VIRMA: variants seen among roughly 807,000 people sequenced by gnomAD.
The protein encoded by VIRMA is protein virilizer homolog.
A neutral mutation model predicts 182.4 loss-of-function variants in VIRMA; 65 were observed. That is an observed-to-expected ratio of 0.36 (90% CI 0.29 to 0.44). VIRMA has a LOEUF of 0.44. Ranked by LOEUF, VIRMA falls within the 20% of genes least tolerant of loss-of-function variation. VIRMA has a pLI of 1.00. For synonymous variants in VIRMA, 709 were observed against 743.1 expected (o/e 0.95, Z 0.75); for missense variants, 1,752 against 2,158.1 (o/e 0.81, Z 3.73).
chr8:94,531,963 T>C (rs1815188568), intron 5 of VIRMA, among the ~76,000 whole-genome samples: 1 of 152,188 alleles, frequency 6.6e-6, no homozygotes, highest in Non-Finnish European at 1.5e-5. Context: ...TGATGTAACG[T>C]GTAAAATAAT....
At chr8:94,500,636 G>T (rs918969385) in intron 16 of VIRMA, among the ~76,000 whole-genome samples, 1 of 149,148 alleles carries the variant, frequency 6.7e-6, no homozygotes, top group Admixed American at 6.8e-5. Flanking sequence ...CTCTACTTTG[G>T]AAAACAGTTC....
chr8:94,550,437 C>A (rs558133120), intron 1 of VIRMA, among the ~76,000 whole-genome samples: 4 of 152,138 alleles, frequency 2.6e-5, no homozygotes, highest in African/African-American at 9.6e-5. Context: ...GGACTACAGG[C>A]ACCTGCCACC....
intron 11 of VIRMA, among the ~76,000 whole-genome samples, chr8:94,513,116 T>C (rs922881095): frequency 6.6e-6 from 1 of 152,212 alleles, no homozygotes; most frequent in Non-Finnish European, 1.5e-5. Flanking sequence ...GGCGGGTGGA[T>C]CACCTGAGGT....
intron 8 of VIRMA, among the ~76,000 whole-genome samples, chr8:94,522,266 G>A (rs1586090776): frequency 6.6e-6 from 1 of 152,126 alleles, no homozygotes; most frequent in Non-Finnish European, 1.5e-5. Context: ...TCCTCAACAG[G>A]CAACACTTCA....
intron 16 of VIRMA, 138 bp from the exon 17 acceptor site, chr8:94,499,644 T>C (rs1380524860): frequency 1.9e-6 from 1 of 530,060 alleles, no homozygotes; most frequent in African/African-American, 1.9e-5. Flanking sequence ...CTTTGGTGTG[T>C]CTTTGTACAC....
At position 94,491,759 on chromosome 8, in the gene VIRMA, A is replaced by G. The variant is rs1358569536; in HGVS notation, c.4959T>C (p.His1653=). The stretch of plus-strand genomic sequence containing the variant: ...TTTCAGCAGCAACAAAGTCATCCAC[A>G]TGCATAGATGGTGGTCTACTTGTGT... The part of the protein sequence containing the change: ...KQNTSRPPSM[H]VDDFVAAESK... The change falls in exon 22 of 24, where the codon CAT becomes CAC. Residue 1653 remains histidine (H), a synonymous_variant. Transcript: ENST00000297591. 3.1e-6 allele frequency: 5 copies of G among 1,614,056 alleles called. No homozygotes were observed. The highest frequency in any genetic ancestry group is 1.3e-5 in the African/African-American group (1 of 74,998).
Position 94,519,061 on chromosome 8 carries a change from C to A in VIRMA, c.2437G>T (p.Gly813Cys). ...TTTTTCTCCAGACTAAAAACATGGC[C>A]AACAGCTGATCTTCCCACAGGATTA... ...TFNPVGRSAV[G>C]HVFSLEKNLQ... The change falls in exon 9 of 24, where the codon GGC becomes TGC. Residue 813 changes from glycine (G) to cysteine (C), a missense_variant. By Grantham distance (159) the Gly-to-Cys change is radical (BLOSUM62 -3). This residue lies in a region of VIRMA where 777 missense variants were observed against 920.6 expected (regional missense o/e 0.84). Coordinates refer to ENST00000297591, the MANE Select transcript of VIRMA (RefSeq NM_015496.5). 1.2e-6 allele frequency: 2 copies of A among 1,613,818 alleles called. No homozygotes were observed. Among genetic ancestry groups the A allele is most frequent in the South Asian group, 1.1e-5 (1 of 91,060 alleles).
chr8:94,517,787 C>A lies in VIRMA; in HGVS notation c.2668+1G>T, dbSNP rs1359032022. On this transcript the variant is annotated splice_donor_variant, in intron 10 of 23. Transcript: ENST00000297591. LOFTEE classifies it high-confidence loss of function. Reference sequence around the variant, plus strand: ...GCTTAAAATAACTTTAAGTACCATACCTTGCAATTTAGCATTATTTTCATC... The same window carrying A: ...GCTTAAAATAACTTTAAGTACCATAACTTGCAATTTAGCATTATTTTCATC... 6.3e-7 allele frequency: 1 copy of A among 1,591,342 alleles called. No homozygotes were observed.
intron 21 of VIRMA, 46 bp from the exon 22 acceptor site, chr8:94,491,955 C>G (rs778082605): frequency 4.9e-6 from 7 of 1,432,472 alleles, no homozygotes; most frequent in Non-Finnish European, 6.5e-6. Context: ...TTTCAGGTTT[C>G]TAGCAAAAAT....
rs767668188 is a variant in VIRMA, at chr8:94,535,003, T to A, written c.320A>T (p.Asn107Ile). The A allele has an allele frequency of 6.4e-7, 1 of 1,571,922 alleles. No homozygotes were observed. Among genetic ancestry groups the A allele is most frequent in the Non-Finnish European group, 8.6e-7 (1 of 1,164,116 alleles). The change falls in exon 5 of 24, where the codon AAT (asparagine) becomes ATT (isoleucine). Residue 107 changes from asparagine (N) to isoleucine (I), a missense_variant. Asn to Ile is a moderately radical substitution (Grantham distance 149). This residue lies in a region of VIRMA where 195 missense variants were observed against 191.7 expected (regional missense o/e 1.02). Transcript: ENST00000297591. Reference sequence around the variant, plus strand: ...GCCTCTTAGCACCAGACCATCAGTATTCACCTGATTTTCAGGGAGGGCAAA... The same window carrying A: ...GCCTCTTAGCACCAGACCATCAGTAATCACCTGATTTTCAGGGAGGGCAAA... ...SIIFRPNSKV[N>I]TDGLVLRGWY...
chr8:94,550,232 C>T (rs1401779763), intron 1 of VIRMA, among the ~76,000 whole-genome samples: 1 of 152,010 alleles, frequency 6.6e-6, no homozygotes, highest in Non-Finnish European at 1.5e-5. Context: ...CTCAGGTTTT[C>T]ATAACATCTC....
At chr8:94,527,957 GCA>G in intron 7 of VIRMA, among the ~76,000 whole-genome samples, 1 of 152,148 alleles carries the variant, frequency 6.6e-6, no homozygotes, top group African/African-American at 2.4e-5. Context: ...ATATGGCTGT[GCA>G]CAGTGGCTCA....
chr8:94,510,491 C>T lies in VIRMA; in HGVS notation c.3552G>A (p.Leu1184=), dbSNP rs1410949328. ...GTGCAGTTGGTGAGGCAAGGTCACA[C>T]AATTGAACACAAATACGCCGTAACA... ...QHMLRRICVQ[L]CDLASPTALL... The change falls in exon 14 of 24, where the codon TTG becomes TTA. Residue 1184 remains leucine, a synonymous_variant. Coordinates refer to ENST00000297591, the MANE Select transcript of VIRMA (RefSeq NM_015496.5). 12 of 1,613,968 alleles carry T rather than the reference C, an allele frequency of 7.4e-6. No individual in the cohort carries two copies. The highest frequency in any genetic ancestry group is 1.0e-5 in the Non-Finnish European group (12 of 1,180,018).
chr8:94,495,576 C>T (rs1208220603), intron 19 of VIRMA, among the ~76,000 whole-genome samples, 155 bp downstream of exon 19: 1 of 131,176 alleles, frequency 7.6e-6, no homozygotes, highest in Admixed American at 7.5e-5. Context: ...AAAAAAAAAA[C>T]TAAAGAAGAA....
chr8:94,492,710 T>A lies in VIRMA; in HGVS notation c.4750A>T (p.Lys1584Ter). The change falls in exon 21 of 24, where the codon AAG becomes TAG. Residue 1584 changes from lysine (K) to a stop codon, truncating the protein, a stop_gained. Transcript: ENST00000297591. LOFTEE classifies it high-confidence loss of function. ...CCAAGTTTGAATCCTTTAGTAGTCTTGGTTCTTCCTGGAGATGATGGTTCT... is the reference window on the plus strand; with the variant it reads ...CCAAGTTTGAATCCTTTAGTAGTCTAGGTTCTTCCTGGAGATGATGGTTCT... ...LSEPSSPGRT[K>*]TTKGFKLGKH... The A allele has an allele frequency of 6.2e-7, 1 of 1,614,112 alleles. No individual in the cohort carries two copies. Among genetic ancestry groups the A allele is most frequent in the East Asian group, 2.2e-5 (1 of 44,870 alleles).
chr8:94,503,078 A>G (rs1049325982), intron 16 of VIRMA, among the ~76,000 whole-genome samples: 6 of 152,134 alleles, frequency 3.9e-5, no homozygotes, highest in African/African-American at 1.4e-4. Context: ...AAGGAAAATT[A>G]GTAAGTAAAA....
chr8:94,516,555 G>A (rs557435658), intron 10 of VIRMA, among the ~76,000 whole-genome samples: 1 of 152,098 alleles, frequency 6.6e-6, no homozygotes, highest in South Asian at 2.1e-4. Flanking sequence ...GTCTTTCCTT[G>A]GTTCTACACT....
chr8:94,499,535 A>C, intron 16 of VIRMA, 29 bp from the exon 17 acceptor site: 1 of 1,355,188 alleles, frequency 7.4e-7, no homozygotes, highest in Non-Finnish European at 1.0e-6. Context: ...AAGAGAAGAT[A>C]TTATCTTAAA....
intron 10 of VIRMA, among the ~76,000 whole-genome samples, chr8:94,515,979 G>C (rs1330517006): frequency 2.0e-5 from 3 of 151,606 alleles, no homozygotes; most frequent in Non-Finnish European, 2.9e-5. Context: ...ATGGTAGCAC[G>C]CACCTGTAGT....
Sources: gnomAD v4.1 joint callset for allele counts (sites outside exome capture counted in the v4.1 genomes callset) on GRCh38, gnomAD v4.1.1 for gene constraint, gnomAD v4.1.1 regional missense constraint, MANE v1.5 for transcripts, NCBI Gene and HGNC (gene_info 2026-07-23, HGNC 2026-07-21) for gene names.